Variants in CCDC60 observed in about 807,000 individuals in gnomAD.
The protein encoded by CCDC60 is coiled-coil domain containing 60, also known as coiled-coil domain-containing protein 60.
CCDC60 carries 54 observed loss-of-function variants against 63.5 expected under a neutral mutation model. The observed-to-expected ratio is 0.85, with a 90% confidence interval of 0.68 to 1.07. CCDC60 has a LOEUF of 1.07. Among genes scored for constraint, CCDC60 ranks in the 50% least tolerant of loss-of-function variants. The pLI is 0.00. For missense variants in CCDC60, 651 were observed against 684.3 expected (o/e 0.95, Z 0.54); for synonymous variants, 206 against 238.8 (o/e 0.86, Z 1.27).
At chr12:119,429,533 G>A (rs776414961) in intron 2 of CCDC60, 10 of 152,174 alleles carry the variant, frequency 6.6e-5, no homozygotes, top group East Asian at 1.9e-4. Flanking sequence ...TCTAGGTAGC[G>A]GGGAAGTTCT....
chr12:119,377,006 G>A (rs1389930440), intron 1 of CCDC60, among the ~76,000 whole-genome samples: 1 of 152,088 alleles, frequency 6.6e-6, no homozygotes, highest in Non-Finnish European at 1.5e-5. Flanking sequence ...TGTAAACCCA[G>A]CACTTTGGGA....
intron 1 of CCDC60, among the ~76,000 whole-genome samples, chr12:119,421,559 A>G (rs1956813713): frequency 6.6e-6 from 1 of 152,250 alleles, no homozygotes; most frequent in Admixed American, 6.5e-5. Flanking sequence ...ATAATATGGC[A>G]AGGACTCAAT....
chr12:119,367,711 A>C (rs1250834955), intron 1 of CCDC60, among the ~76,000 whole-genome samples: 1 of 152,216 alleles, frequency 6.6e-6, no homozygotes, highest in Non-Finnish European at 1.5e-5. Flanking sequence ...TGAAATACTA[A>C]TGCAACCTGC....
Position 119,346,774 on chromosome 12 carries a change from CTCTTTCTTTCTTTCTTTCTTTCTT to C in CCDC60, c.90+11546_90+11569del, listed in dbSNP as rs61270891. Among the ~76,000 whole-genome samples, 266 of 125,394 alleles carry C rather than the reference CTCTTTCTTTCTTTCTTTCTTTCTT, an allele frequency of 2.1e-3. 1 individual carries two copies. Among genetic ancestry groups the C allele is most frequent in the African/African-American group, 7.3e-3 (236 of 32,482 alleles). The allele number at this position is 125,394 out of a possible 152,430, so 82.3% of individuals were successfully genotyped here. On this transcript the variant is annotated intron_variant, in intron 1 of 13. Transcript: ENST00000327554. ...CTGCATGTGGCTTAGACTCATCTTTCTCTTTCTTTCTTTCTTTCTTTCTTTCTTTCTTTCTTTCTTTCTTTCTTT... is the reference window on the plus strand; with the variant it reads ...CTGCATGTGGCTTAGACTCATCTTTCTCTTTCTTTCTTTCTTTCTTTCTTT...
chr12:119,412,768 C>G (rs1278028300), intron 1 of CCDC60, among the ~76,000 whole-genome samples: 1 of 124,374 alleles, frequency 8.0e-6, no homozygotes, highest in African/African-American at 3.0e-5. Flanking sequence ...CCCCCACCCC[C>G]CCCCACCCCC....
intron 1 of CCDC60, among the ~76,000 whole-genome samples, chr12:119,398,867 A>G (rs1438217606): frequency 6.6e-6 from 1 of 152,228 alleles, no homozygotes; most frequent in Non-Finnish European, 1.5e-5. Context: ...GACAACATTT[A>G]TTAAGCACAC....
intron 1 of CCDC60, among the ~76,000 whole-genome samples, chr12:119,415,351 G>C (rs1956680483): frequency 6.6e-6 from 1 of 152,210 alleles, no homozygotes; most frequent in Non-Finnish European, 1.5e-5. Flanking sequence ...CCTGTGATCA[G>C]AATGAGCAAG....
chr12:119,465,097 GT>G (rs1383829033), intron 2 of CCDC60, among the ~76,000 whole-genome samples: 1 of 151,188 alleles, frequency 6.6e-6, no homozygotes, highest in Non-Finnish European at 1.5e-5. Context: ...GGATCACGAG[GT>G]CAGGAGATCG....
chr12:119,468,432 A>G (rs1054648923), intron 2 of CCDC60, among the ~76,000 whole-genome samples: 2 of 152,258 alleles, frequency 1.3e-5, no homozygotes, highest in African/African-American at 4.8e-5. Flanking sequence ...TTATTTTGCA[A>G]TGACAAGAAC....
At chr12:119,445,853 G>A (rs993092021) in intron 2 of CCDC60, among the ~76,000 whole-genome samples, 5 of 152,100 alleles carry the variant, frequency 3.3e-5, no homozygotes, top group African/African-American at 9.7e-5. Flanking sequence ...ACCAAATATC[G>A]TGTGTTCTCA....
At chr12:119,506,223 T>C (rs1951996321) in intron 7 of CCDC60, among the ~76,000 whole-genome samples, 1 of 152,118 alleles carries the variant, frequency 6.6e-6, no homozygotes, top group Non-Finnish European at 1.5e-5. Context: ...GAACATTTTA[T>C]AGATGGAAGT....
At chr12:119,473,423 GCT>G (rs1951106786) in intron 3 of CCDC60, among the ~76,000 whole-genome samples, 1 of 152,130 alleles carries the variant, frequency 6.6e-6, no homozygotes, top group Non-Finnish European at 1.5e-5. Context: ...GTTACATTAG[GCT>G]CTCTAATATA....
chr12:119,346,832 C>CTTTCTTTCT (rs1555230529), intron 1 of CCDC60, among the ~76,000 whole-genome samples: 4,031 of 90,476 alleles, frequency 0.045, 111 homozygotes, highest in Non-Finnish European at 0.071. Context: ...TTCTTTCTTT[C>CTTTCTTTCT]TTTTTTTTTT....
chr12:119,374,485 A>G (rs1955931054), intron 1 of CCDC60, among the ~76,000 whole-genome samples: 1 of 152,192 alleles, frequency 6.6e-6, no homozygotes, highest in South Asian at 2.1e-4. Flanking sequence ...GATAGTTGCA[A>G]TCTGGACGGG....
At chr12:119,481,270 T>C (rs1251173220) in intron 4 of CCDC60, among the ~76,000 whole-genome samples, 6 of 152,120 alleles carry the variant, frequency 3.9e-5, no homozygotes, top group Non-Finnish European at 7.4e-5. Flanking sequence ...CTTGCAAAAA[T>C]AGGCCTTGCA....
chr12:119,360,383 C>T (rs1955769981), intron 1 of CCDC60, among the ~76,000 whole-genome samples: 1 of 87,098 alleles, frequency 1.1e-5, no homozygotes, highest in Non-Finnish European at 2.1e-5. Flanking sequence ...GCTGGCCGGG[C>T]GGGGGGCTGA....
At chr12:119,343,680 A>G (rs989365596) in intron 1 of CCDC60, among the ~76,000 whole-genome samples, 2 of 149,750 alleles carry the variant, frequency 1.3e-5, no homozygotes, top group African/African-American at 4.9e-5. Flanking sequence ...ATATATATAT[A>G]TATATGTATA....
intron 2 of CCDC60, among the ~76,000 whole-genome samples, chr12:119,446,377 C>A (rs559960557): frequency 6.6e-5 from 10 of 152,264 alleles, no homozygotes; most frequent in African/African-American, 2.4e-4. Context: ...ATGTTCAGGG[C>A]AAGACTGCCC....
chr12:119,464,981 G>A (rs1950924254), intron 2 of CCDC60, among the ~76,000 whole-genome samples: 1 of 152,186 alleles, frequency 6.6e-6, no homozygotes, highest in Non-Finnish European at 1.5e-5. Flanking sequence ...CCAAGTGTTT[G>A]AATAAAGTTC....
Sources: gnomAD v4.1 joint callset for allele counts (sites outside exome capture counted in the v4.1 genomes callset) on GRCh38, gnomAD v4.1.1 for gene constraint, MANE v1.5 for transcripts, NCBI Gene and HGNC (gene_info 2026-07-23, HGNC 2026-07-21) for gene names.